The following SYNPR variants were observed in gnomAD, a reference collection of about 807,000 sequenced individuals.
The protein encoded by SYNPR is synaptoporin.
In SYNPR, 23 loss-of-function variants were observed where a neutral mutation model predicts 32.9. That is an observed-to-expected ratio of 0.70 (90% CI 0.50 to 0.99). The LOEUF (loss-of-function observed/expected upper bound fraction) is 0.99. Among genes scored for constraint, SYNPR ranks in the 50% least tolerant of loss-of-function variants. The pLI, the probability that SYNPR is intolerant of heterozygous loss-of-function variation, is 0.00. For synonymous variants in SYNPR, 146 were observed against 135.9 expected, an observed-to-expected ratio of 1.07 and a Z score of -0.52; for missense variants, 318 against 349.3, an observed-to-expected ratio of 0.91 and a Z score of 0.71.
chr3:63,260,964 A>T (rs2086432381), intron 2 of SYNPR, among the ~76,000 whole-genome samples: 1 of 152,248 alleles, frequency 6.6e-6, no homozygotes, highest in Non-Finnish European at 1.5e-5. Context: ...CATATGAAAA[A>T]ATGCTCATCA....
intron 3 of SYNPR, among the ~76,000 whole-genome samples, chr3:63,491,314 G>C (rs1701253831): frequency 6.6e-6 from 1 of 151,994 alleles, no homozygotes; most frequent in African/African-American, 2.4e-5. Flanking sequence ...AGTTAATGTA[G>C]ACAATTAGCT....
intron 2 of SYNPR, among the ~76,000 whole-genome samples, chr3:63,388,353 T>C (rs1387232655): frequency 6.6e-6 from 1 of 151,314 alleles, no homozygotes; most frequent in Non-Finnish European, 1.5e-5. Flanking sequence ...TTAATATTTT[T>C]CAAAACCCAA....
intron 3 of SYNPR, among the ~76,000 whole-genome samples, chr3:63,551,270 A>G (rs1702495480): frequency 6.6e-6 from 1 of 152,192 alleles, no homozygotes; most frequent in Non-Finnish European, 1.5e-5. Flanking sequence ...TTGACAAATA[A>G]TATTCTTTTG....
intron 3 of SYNPR, among the ~76,000 whole-genome samples, chr3:63,501,426 C>A (rs1028266025): frequency 1.4e-5 from 2 of 145,936 alleles, no homozygotes; most frequent in African/African-American, 5.1e-5. Context: ...CTGCAGTAAG[C>A]TGAGTTTCTG....
intron 1 of SYNPR, among the ~76,000 whole-genome samples, chr3:63,240,612 C>T (rs1280951688): frequency 6.6e-6 from 1 of 152,052 alleles, no homozygotes; most frequent in African/African-American, 2.4e-5. Context: ...CCCAAGGGGA[C>T]TTATCCAAGA....
chr3:63,484,785 T>C (rs1701114065), intron 3 of SYNPR, among the ~76,000 whole-genome samples: 1 of 152,176 alleles, frequency 6.6e-6, no homozygotes, highest in South Asian at 2.1e-4. Flanking sequence ...TTTTAAAATT[T>C]TGTGATTTGA....
chr3:63,514,695 A>C (rs1701762379), intron 3 of SYNPR, among the ~76,000 whole-genome samples: 1 of 152,174 alleles, frequency 6.6e-6, no homozygotes, highest in South Asian at 2.1e-4. Context: ...GACCAATATT[A>C]ACAAGAATCA....
intron 2 of SYNPR, among the ~76,000 whole-genome samples, chr3:63,473,766 T>C (rs932136078): frequency 6.6e-6 from 1 of 152,114 alleles, no homozygotes; most frequent in African/African-American, 2.4e-5. Flanking sequence ...ACAGACAGCA[T>C]GAAGGTCCTA....
At chr3:63,596,442 C>T (rs905785165) in intron 4 of SYNPR, among the ~76,000 whole-genome samples, 1 of 151,876 alleles carries the variant, frequency 6.6e-6, no homozygotes, top group Non-Finnish European at 1.5e-5. Context: ...CTACCAGCCA[C>T]CAGCCTGCCA....
At chr3:63,504,463 C>A (rs918183357) in intron 3 of SYNPR, among the ~76,000 whole-genome samples, 2 of 152,130 alleles carry the variant, frequency 1.3e-5, no homozygotes, top group Non-Finnish European at 2.9e-5. Flanking sequence ...TTGTAACAAT[C>A]CACCCTCCTC....
At chr3:63,248,851 C>T (rs1560167897) in intron 1 of SYNPR, among the ~76,000 whole-genome samples, 1 of 152,122 alleles carries the variant, frequency 6.6e-6, no homozygotes, top group East Asian at 1.9e-4. Flanking sequence ...GAACAAATCC[C>T]ATTTTGATGA....
At chr3:63,558,389 G>A (rs1443364505) in intron 4 of SYNPR, among the ~76,000 whole-genome samples, 1 of 151,990 alleles carries the variant, frequency 6.6e-6, no homozygotes, top group Non-Finnish European at 1.5e-5. Context: ...ACCCAGGCTG[G>A]CATGCAGTGG....
In SYNPR at chr3:63,377,527, TTTGAG is replaced by T. The variant is rs201137664; in HGVS notation, c.84+98788_84+98792del. Among the ~76,000 whole-genome samples the T allele has an allele frequency of 9.5e-3, 1,452 of 152,196 alleles. 33 individuals are homozygous for T. The highest frequency in any genetic ancestry group is 0.03 in the African/African-American group (1,247 of 41,568). On this transcript the variant is annotated intron_variant, in intron 2 of 5. Coordinates refer to ENST00000478300, the MANE Select transcript of SYNPR (RefSeq NM_001130003.2). Reference sequence around the variant, plus strand: ...TATCATCTTTTATGGAATCCCATACTTTGAGTTAAGATCTTTCTTTCAGTATGCTA... The same window carrying T: ...TATCATCTTTTATGGAATCCCATACTTTAAGATCTTTCTTTCAGTATGCTA...
chr3:63,312,267 C>T (rs553847410), intron 2 of SYNPR, among the ~76,000 whole-genome samples: 24 of 152,084 alleles, frequency 1.6e-4, no homozygotes, highest in African/African-American at 4.6e-4. Flanking sequence ...TATGATTTTA[C>T]ATTAATAAGA....
At chr3:63,537,644 AT>A (rs1297901051) in intron 3 of SYNPR, among the ~76,000 whole-genome samples, 5 of 152,148 alleles carry the variant, frequency 3.3e-5, no homozygotes, top group African/African-American at 1.2e-4. Context: ...ACAAAATAAT[AT>A]CTTCTGGTGG....
intron 2 of SYNPR, among the ~76,000 whole-genome samples, chr3:63,405,495 G>T (rs1054017365): frequency 1.3e-5 from 2 of 152,122 alleles, no homozygotes; most frequent in African/African-American, 4.8e-5. Flanking sequence ...GATGGAGAAG[G>T]CCTTGTTTTG....
chr3:63,565,892 C>T (rs754356752), intron 4 of SYNPR, among the ~76,000 whole-genome samples: 14 of 152,150 alleles, frequency 9.2e-5, no homozygotes, highest in Non-Finnish European at 2.1e-4. Flanking sequence ...TTTTGGCTGT[C>T]ATATTGTCTT....
At chr3:63,367,280 A>G (rs1443815647) in intron 2 of SYNPR, among the ~76,000 whole-genome samples, 1 of 151,942 alleles carries the variant, frequency 6.6e-6, no homozygotes, top group Non-Finnish European at 1.5e-5. Context: ...TTAGAGAAAG[A>G]CTCCTACATA....
chr3:63,515,085 A>G (rs896113062), intron 3 of SYNPR, among the ~76,000 whole-genome samples: 1 of 152,166 alleles, frequency 6.6e-6, no homozygotes, highest in Non-Finnish European at 1.5e-5. Flanking sequence ...GTGGGGTTCT[A>G]GAAACAATAT....
Sources: gnomAD v4.1 joint callset for allele counts (sites outside exome capture counted in the v4.1 genomes callset) on GRCh38, gnomAD v4.1.1 for gene constraint, MANE v1.5 for transcripts, NCBI Gene and HGNC (gene_info 2026-07-23, HGNC 2026-07-21) for gene names.